The following ATE1 variants were observed in gnomAD, a reference collection of about 807,000 sequenced individuals.
ATE1 encodes the protein arginyltransferase 1, also known as arginyl-tRNA--protein transferase 1.
Under a neutral mutation model 70.5 loss-of-function variants are expected in ATE1, and 36 were observed. The observed-to-expected ratio is 0.51, with a 90% CI of 0.39 to 0.67. ATE1 has a LOEUF of 0.67. Ranked by LOEUF, ATE1 falls within the 30% of genes least tolerant of loss-of-function variation. The pLI, the probability that ATE1 is intolerant of heterozygous loss-of-function variation, is 0.00. For synonymous variants in ATE1, 232 were observed against 219.3 expected, an observed-to-expected ratio of 1.06 and a Z score of -0.51; for missense variants, 593 against 629.5, an observed-to-expected ratio of 0.94 and a Z score of 0.62.
At chr10:121,781,086 C>T (rs143593778) in intron 11 of ATE1, among the ~76,000 whole-genome samples, 151 of 152,308 alleles carry the variant, frequency 9.9e-4, no homozygotes, top group South Asian at 2.9e-3. Flanking sequence ...GAGTCCAATA[C>T]CTTCCCATGT....
rs182166520 is a variant in ATE1, at chr10:121,894,763, T to C, written c.942+5103A>G. On this transcript the variant is annotated intron_variant, in intron 7 of 11. Coordinates refer to ENST00000224652, the MANE Select transcript of ATE1 (RefSeq NM_001001976.3). ...AAAATACAAAAAAATTAGCCGGGCGTGGTGGCGGGCACCTGTAGTCCCAGC... is the reference window on the plus strand; with the variant it reads ...AAAATACAAAAAAATTAGCCGGGCGCGGTGGCGGGCACCTGTAGTCCCAGC... Among the ~76,000 whole-genome samples, 1,079 of 152,038 alleles carry C rather than the reference T, an allele frequency of 7.1e-3. 26 individuals are homozygous for C. Among genetic ancestry groups the C allele is most frequent in the African/African-American group, 0.025 (1,021 of 41,452 alleles).
intron 8 of ATE1, among the ~76,000 whole-genome samples, chr10:121,850,066 C>G (rs1226769293): frequency 6.6e-6 from 1 of 151,984 alleles, no homozygotes. Flanking sequence ...AGAGTGGTCA[C>G]GTAGTATTGT....
chr10:121,786,639 CA>C (rs34356088), intron 11 of ATE1, among the ~76,000 whole-genome samples: 3 of 149,680 alleles, frequency 2.0e-5, no homozygotes, highest in East Asian at 2.0e-4. Flanking sequence ...AGCCTGGCCT[CA>C]AAAAAAAAAA....
chr10:121,861,458 C>T lies in ATE1; in HGVS notation c.975+8548G>A, dbSNP rs532380320. ...TCCTTTGTAGGGACATGGATGAAAT[C>T]GGAAATCATCATTCTCAGTAAACTA... On this transcript the variant is annotated intron_variant, in intron 8 of 11. Transcript: ENST00000224652. Among the ~76,000 whole-genome samples the T allele has an allele frequency of 1.1e-4, 16 of 151,230 alleles. 1 individual carries two copies. Among genetic ancestry groups the T allele is most frequent in the African/African-American group, 3.6e-4 (15 of 41,164 alleles).
intron 11 of ATE1, among the ~76,000 whole-genome samples, chr10:121,756,914 T>C (rs2420962): frequency 0.96 from 146,756 of 152,166 alleles, 70,959 homozygotes; most frequent in East Asian, 1. Flanking sequence ...TTCCACTCCT[T>C]GTTACTTACG....
rs1952019924 is a variant in ATE1 at position 121,924,718 on chromosome 10, A to T, written c.107-389T>A. ...CCATCTCAAAAAAAAAAAAAAAAAT[A>T]GGAGTGTTTAGGTTAAAATTCCAAA... On this transcript the variant is annotated intron_variant, in intron 1 of 11. Coordinates refer to ENST00000224652, the MANE Select transcript of ATE1 (RefSeq NM_001001976.3). Among the ~76,000 whole-genome samples the T allele has an allele frequency of 4.0e-5, 6 of 150,226 alleles. No individual in the cohort carries two copies. The South Asian group carries it at 1.3e-3, about 32-fold the overall frequency.
At chr10:121,875,138 CAA>C (rs1276048988) in intron 7 of ATE1, among the ~76,000 whole-genome samples, 18,603 of 78,812 alleles carry the variant, frequency 0.24, 1,408 homozygotes, top group Non-Finnish European at 0.29. Flanking sequence ...GACTCCGTCT[CAA>C]AAAAAAAAAA....
intron 11 of ATE1, among the ~76,000 whole-genome samples, chr10:121,761,211 C>T (rs1267850853): frequency 6.6e-6 from 1 of 152,188 alleles, no homozygotes; most frequent in Non-Finnish European, 1.5e-5. Flanking sequence ...CAGTGCCAAG[C>T]TTCATGCACA....
intron 10 of ATE1, 103 bp downstream of exon 10, chr10:121,836,615 C>T (rs1285442748): frequency 1.8e-5 from 12 of 672,084 alleles, no homozygotes; most frequent in Non-Finnish European, 2.0e-5. Flanking sequence ...TTAACCCATT[C>T]GTCCTTCCTT....
In ATE1 at chr10:121,898,622, C is replaced by T. The variant is rs371658724; in HGVS notation, c.942+1244G>A. Among the ~76,000 whole-genome samples the T allele has an allele frequency of 2.2e-3, 339 of 152,240 alleles. 1 individual carries two copies. The highest frequency in any genetic ancestry group is 7.9e-3 in the African/African-American group (327 of 41,524). ...GGATGACTGACCTTATAAACCACTA[C>T]TTTCAGGTTCCTAGAGAAAACACTA... On this transcript the variant is annotated intron_variant, in intron 7 of 11. Coordinates refer to ENST00000224652, the MANE Select transcript of ATE1 (RefSeq NM_001001976.3).
intron 11 of ATE1, among the ~76,000 whole-genome samples, chr10:121,757,949 A>G (rs1944875811): frequency 6.6e-6 from 1 of 152,178 alleles, no homozygotes; most frequent in African/African-American, 2.4e-5. Context: ...ACATATTCCC[A>G]TCACTCCAGC....
At chr10:121,853,102 G>A (rs1376695865) in intron 8 of ATE1, among the ~76,000 whole-genome samples, 1 of 151,888 alleles carries the variant, frequency 6.6e-6, no homozygotes, top group Non-Finnish European at 1.5e-5. Flanking sequence ...GAAGAGGCTG[G>A]GTGCGGTGGC....
At chr10:121,858,679 A>T (rs1173431879) in intron 8 of ATE1, among the ~76,000 whole-genome samples, 2 of 9,100 alleles carry the variant, frequency 2.2e-4, no homozygotes, top group South Asian at 9.0e-3. Context: ...TAATATATAT[A>T]TTTTTATATA....
chr10:121,795,137 C>G (rs1946611809), intron 10 of ATE1, among the ~76,000 whole-genome samples: 1 of 152,088 alleles, frequency 6.6e-6, no homozygotes, highest in Non-Finnish European at 1.5e-5. Flanking sequence ...AATCCCAGCT[C>G]CTCTGGAGGC....
At chr10:121,913,225 T>C (rs1564959640) in intron 4 of ATE1, among the ~76,000 whole-genome samples, 1 of 152,034 alleles carries the variant, frequency 6.6e-6, no homozygotes, top group Non-Finnish European at 1.5e-5. Flanking sequence ...GTAAAAAGAC[T>C]AAGAAAAAAA....
At chr10:121,857,678 G>A (rs1189676880) in intron 8 of ATE1, among the ~76,000 whole-genome samples, 3 of 152,076 alleles carry the variant, frequency 2.0e-5, no homozygotes, top group African/African-American at 2.4e-5. Context: ...TATTCACAAC[G>A]GCAAAGAAAC....
chr10:121,874,120 A>T (rs1949952227), intron 7 of ATE1, among the ~76,000 whole-genome samples: 1 of 152,176 alleles, frequency 6.6e-6, no homozygotes. Flanking sequence ...TAAAACCTTT[A>T]TTTAAAAATT....
intron 7 of ATE1, among the ~76,000 whole-genome samples, chr10:121,883,594 C>T (rs887774320): frequency 2.0e-5 from 3 of 152,112 alleles, no homozygotes; most frequent in Non-Finnish European, 2.9e-5. Context: ...AAGTCCTGCT[C>T]GGCATTCTGT....
intron 11 of ATE1, among the ~76,000 whole-genome samples, chr10:121,775,517 T>C (rs1261061639): frequency 2.0e-5 from 3 of 152,088 alleles, no homozygotes; most frequent in African/African-American, 7.2e-5. Context: ...TGTGCTACAG[T>C]TCTAAGTTTA....
Sources: allele counts gnomAD v4.1 joint callset (sites outside exome capture counted in the v4.1 genomes callset), GRCh38; gene constraint gnomAD v4.1.1; transcripts MANE v1.5; gene names NCBI Gene and HGNC (gene_info 2026-07-23, HGNC 2026-07-21).